The following TEX22 variants were observed in gnomAD, a reference collection of about 807,000 sequenced individuals.
The protein encoded by TEX22 is testis-expressed protein 22.
A neutral mutation model predicts 11.3 loss-of-function variants in TEX22; 16 were observed. The ratio of observed to expected loss-of-function variants is 1.42; its 90% CI spans 0.96 to 2.15. The LOEUF (loss-of-function observed/expected upper bound fraction) is 2.15, where lower values mean the gene tolerates loss of function less well. TEX22 is among the 30% of genes most tolerant of loss of function. The pLI, the probability that TEX22 is intolerant of heterozygous loss-of-function variation, is 0.00. For synonymous variants in TEX22, 97 were observed against 92.3 expected (o/e 1.05, Z -0.29); for missense variants, 220 against 208.6 (o/e 1.05, Z -0.34).
At chr14:105,400,662 T>G (rs2081621942) in intron 2 of TEX22, among the ~76,000 whole-genome samples, 1 of 152,108 alleles carries the variant, frequency 6.6e-6, no homozygotes, top group African/African-American at 2.4e-5. Context: ...AGAGATGGAC[T>G]GGTGGCTATG....
At chr14:105,405,348 C>T (rs1248324589) in intron 2 of TEX22, among the ~76,000 whole-genome samples, 1 of 152,060 alleles carries the variant, frequency 6.6e-6, no homozygotes, top group Non-Finnish European at 1.5e-5. Context: ...TTTGCCTGCC[C>T]TCACATATTA....
chr14:105,405,407 G>A (rs145797812), intron 2 of TEX22, among the ~76,000 whole-genome samples: 65 of 152,278 alleles, frequency 4.3e-4, no homozygotes, highest in African/African-American at 1.5e-3. Flanking sequence ...TCGCCGGTAC[G>A]TCATTTAATT....
chr14:105,411,878 G>T lies in TEX22; in HGVS notation c.*45G>T, dbSNP rs1239397295. 1 of 1,382,176 alleles carries T rather than the reference G, an allele frequency of 7.2e-7. No individual in the cohort carries two copies. The highest frequency in any genetic ancestry group is 1.5e-5 in the African/African-American group (1 of 65,854). 85.6% of individuals were successfully genotyped at this position (1,382,176 alleles called of 1,614,324 possible). A position where few individuals can be genotyped will look rare whatever the true frequency, so the allele number is the denominator to read the frequency against. ...GTCTGTCTTCCAGTGCCTTTCCTTG[G>T]GGGCCCACGGTGGGGGCAGCCTCTG... On this transcript the variant is annotated 3_prime_UTR_variant, in exon 4 of 4. Transcript: ENST00000451127.
chr14:105,404,479 A>G (rs1177934107), intron 2 of TEX22, among the ~76,000 whole-genome samples: 1 of 152,232 alleles, frequency 6.6e-6, no homozygotes, highest in African/African-American at 2.4e-5. Context: ...ATTGGATGCC[A>G]TCTTGGAGGA....
chr14:105,410,442 A>G (rs587687774), intron 2 of TEX22, among the ~76,000 whole-genome samples: 2 of 152,302 alleles, frequency 1.3e-5, no homozygotes, highest in South Asian at 4.1e-4. Context: ...TTCTTTATCC[A>G]TTGATCCATT....
At chr14:105,408,377 G>T (rs1045767462) in intron 2 of TEX22, among the ~76,000 whole-genome samples, 11 of 152,074 alleles carry the variant, frequency 7.2e-5, no homozygotes, top group Non-Finnish European at 8.8e-5. Flanking sequence ...AAGTAGCTGG[G>T]ACTACAGGCA....
chr14:105,410,256 T>C (rs887396768), intron 2 of TEX22, among the ~76,000 whole-genome samples: 2 of 152,188 alleles, frequency 1.3e-5, no homozygotes, highest in African/African-American at 4.8e-5. Context: ...TTTGTATTTT[T>C]AGTAGAGATG....
At chr14:105,402,057 G>C (rs1270139219) in intron 2 of TEX22, among the ~76,000 whole-genome samples, 3 of 152,140 alleles carry the variant, frequency 2.0e-5, no homozygotes, top group Non-Finnish European at 4.4e-5. Flanking sequence ...ATGGTGGTGG[G>C]TGCCTATAAT....
At position 105,413,280 on chromosome 14, in the gene TEX22, C is replaced by T. The variant is rs1288318586; in HGVS notation, c.*1447C>T. ...GTGGGGAGTTTTGGGTCATGACCCA[C>T]CCCCTCTGAGGCCCCTGATGATGAT... On this transcript the variant is annotated 3_prime_UTR_variant, in exon 4 of 4. Transcript: ENST00000451127. This position sits in a 1 kb window ranked among gnomAD's most constrained non-coding sequence, Gnocchi z 4.2. The T allele has an allele frequency of 2.6e-5, 4 of 152,472 alleles. No homozygotes were observed. The highest frequency in any genetic ancestry group is 2.0e-4 in the Admixed American group (3 of 15,272). The allele number at this position is 152,472 out of a possible 1,614,324, so 9.4% of individuals were successfully genotyped here.
At chr14:105,401,947 A>T (rs1183969226) in intron 2 of TEX22, among the ~76,000 whole-genome samples, 1 of 152,208 alleles carries the variant, frequency 6.6e-6, no homozygotes, top group Non-Finnish European at 1.5e-5. Flanking sequence ...ACAATTCAGG[A>T]GGCCGAGGCA....
In TEX22 at chr14:105,405,816, G is replaced by T. The variant is rs144278278; in HGVS notation, c.151-5552G>T. Among the ~76,000 whole-genome samples, 877 of 152,290 alleles carry T rather than the reference G, an allele frequency of 5.8e-3. 13 individuals are homozygous for T. The highest frequency in any genetic ancestry group is 0.02 in the African/African-American group (817 of 41,550). ...TTAAAGTATAATTTGAAAAAATAAA[G>T]ATGTTTTAAAATGTTTACTTGGAAA... is the stretch of plus-strand genomic sequence containing the variant. On this transcript the variant is annotated intron_variant, in intron 2 of 3. Coordinates refer to ENST00000451127, the MANE Select transcript of TEX22 (RefSeq NM_001195082.2).
intron 3 of TEX22, 32 bp downstream of exon 3, chr14:105,411,528 C>A: frequency 2.8e-6 from 1 of 353,044 alleles, no homozygotes; most frequent in Non-Finnish European, 3.7e-6. Flanking sequence ...CCCGCCCCGT[C>A]CCCGCCCCGC....
chr14:105,411,485 C>G lies in TEX22; in HGVS notation c.268C>G (p.Leu90Val). The G allele has an allele frequency of 8.0e-7, 1 of 1,242,902 alleles. No individual in the cohort carries two copies. Among genetic ancestry groups the G allele is most frequent in the Non-Finnish European group, 1.0e-6 (1 of 995,902 alleles). The allele number at this position is 1,242,902 out of a possible 1,614,324, so 77.0% of individuals were successfully genotyped here. Residue 90 changes from leucine (L) to valine (V), a missense_variant, in exon 3 of 4, where the codon CTG becomes GTG. Coordinates refer to ENST00000451127, the MANE Select transcript of TEX22 (RefSeq NM_001195082.2). ...RERPGAAGTQ[L>V]HCRDVVQMVA... ...GAGGCCGGGCGCCGCCGGGACCCAG[C>G]TGCACTGCAGGGTGCGCGGGGGGCG...
chr14:105,399,625 A>T, intron 2 of TEX22, 135 bp downstream of exon 2: 1 of 1,007,486 alleles, frequency 9.9e-7, no homozygotes, highest in East Asian at 2.6e-5. Context: ...TGAGAAACAG[A>T]TGGCTGGACT....
chr14:105,411,672 A>G lies in TEX22; in HGVS notation c.292A>G (p.Met98Val), dbSNP rs1329403093. 5.9e-6 allele frequency: 9 copies of G among 1,528,892 alleles called. No individual in the cohort carries two copies. Among genetic ancestry groups the G allele is most frequent in the East Asian group, 2.5e-5 (1 of 39,532 alleles). The allele number at this position is 1,528,892 out of a possible 1,614,324, so 94.7% of individuals were successfully genotyped here. ...TQLHCRDVVQ[M>V]VAQLVSEDVD... is the part of the protein sequence containing the mutation. ...CCCTCGCCCGCAGGACGTCGTGCAGATGGTAGCCCAGCTGGTGTCGGAGGA... is the reference window on the plus strand; with the variant it reads ...CCCTCGCCCGCAGGACGTCGTGCAGGTGGTAGCCCAGCTGGTGTCGGAGGA... Residue 98 changes from methionine (M) to valine (V), a missense_variant, in exon 4 of 4, where the codon ATG becomes GTG. Transcript: ENST00000451127.
intron 2 of TEX22, among the ~76,000 whole-genome samples, chr14:105,408,826 C>T (rs1159341969): frequency 6.6e-6 from 1 of 152,126 alleles, no homozygotes. Flanking sequence ...AGCATTCTGT[C>T]TACTCAGCAG....
chr14:105,400,922 G>T (rs1482588749), intron 2 of TEX22, among the ~76,000 whole-genome samples: 1 of 152,196 alleles, frequency 6.6e-6, no homozygotes, highest in Admixed American at 6.5e-5. Flanking sequence ...AGCTTCACCT[G>T]CCCAGAGCCA....
At chr14:105,404,587 A>G (rs587716695) in intron 2 of TEX22, among the ~76,000 whole-genome samples, 17 of 152,334 alleles carry the variant, frequency 1.1e-4, no homozygotes, top group African/African-American at 3.8e-4. Context: ...CAAAAACCTC[A>G]GAAGCAATTT....
intron 2 of TEX22, among the ~76,000 whole-genome samples, chr14:105,401,494 ATGC>A (rs1452637802): frequency 3.4e-5 from 5 of 147,938 alleles, no homozygotes; most frequent in African/African-American, 1.2e-4. Context: ...AAAAAACCAG[ATGC>A]TGCATGTTCT....
Sources: allele counts gnomAD v4.1 joint callset (sites outside exome capture counted in the v4.1 genomes callset), GRCh38; gene constraint gnomAD v4.1.1; non-coding constraint Gnocchi (gnomAD v3.1); transcripts MANE v1.5; gene names NCBI Gene and HGNC (gene_info 2026-07-23, HGNC 2026-07-21).